ADAMTSL1: variants seen among roughly 807,000 people sequenced by gnomAD.
ADAMTSL1 encodes the protein ADAMTS like 1.
A neutral mutation model predicts 201.8 loss-of-function variants in ADAMTSL1; 126 were observed. That is an observed-to-expected ratio of 0.62 (90% CI 0.54 to 0.72). The LOEUF (loss-of-function observed/expected upper bound fraction) is 0.72. Ranked by LOEUF, ADAMTSL1 falls within the 30% of genes least tolerant of loss-of-function variation. The pLI is 0.00. For synonymous variants in ADAMTSL1, 1,121 were observed against 903.4 expected (o/e 1.24, Z -4.32); for missense variants, 2,679 against 2,277.8 (o/e 1.18, Z -3.59).
chr9:18,236,303 T>A (rs542076918), intron 2 of ADAMTSL1, among the ~76,000 whole-genome samples: 34 of 152,302 alleles, frequency 2.2e-4, no homozygotes, highest in African/African-American at 8.2e-4. Context: ...CTTGAATGCC[T>A]GACCCCGTGA....
At chr9:18,433,402 T>C (rs1324699311) in intron 2 of ADAMTSL1, among the ~76,000 whole-genome samples, 1 of 152,152 alleles carries the variant, frequency 6.6e-6, no homozygotes, top group Non-Finnish European at 1.5e-5. Context: ...GATAATTTTA[T>C]TTATGAACTA....
intron 2 of ADAMTSL1, among the ~76,000 whole-genome samples, chr9:18,279,314 T>A (rs993402288): frequency 7.3e-5 from 11 of 150,316 alleles, no homozygotes; most frequent in South Asian, 2.1e-4. Flanking sequence ...TATTTGGTTT[T>A]AAAAAAAAAA....
intron 1 of ADAMTSL1, among the ~76,000 whole-genome samples, chr9:18,496,521 C>G (rs1038620165): frequency 1.1e-4 from 16 of 152,080 alleles, no homozygotes; most frequent in Admixed American, 7.2e-4. Flanking sequence ...AATAGTCAAC[C>G]AAAGAAAAGA....
intron 2 of ADAMTSL1, among the ~76,000 whole-genome samples, chr9:18,370,334 G>T (rs907400494): frequency 4.0e-5 from 6 of 151,736 alleles, no homozygotes; most frequent in Non-Finnish European, 8.8e-5. Context: ...ATGGATGAGG[G>T]TTGAAAAATT....
chr9:18,438,362 A>G (rs781491470), intron 2 of ADAMTSL1, among the ~76,000 whole-genome samples: 2 of 152,176 alleles, frequency 1.3e-5, no homozygotes, highest in Non-Finnish European at 1.5e-5. Context: ...TTTTGCTTTC[A>G]GAGTAGGGAG....
chr9:18,907,327 C>T (rs1001812097), intron 28 of ADAMTSL1: 7 of 200,012 alleles, frequency 3.5e-5, no homozygotes, highest in East Asian at 1.7e-4. Flanking sequence ...ACCAGATCTG[C>T]GCCCATCACA....
At chr9:18,297,578 C>A (rs1316838294) in intron 2 of ADAMTSL1, among the ~76,000 whole-genome samples, 1 of 152,122 alleles carries the variant, frequency 6.6e-6, no homozygotes, top group East Asian at 1.9e-4. Context: ...GTCAAAAAGG[C>A]TCCGTAAAAG....
chr9:18,814,071 G>A (rs1055618733), intron 20 of ADAMTSL1, among the ~76,000 whole-genome samples: 2 of 152,080 alleles, frequency 1.3e-5, no homozygotes, highest in Admixed American at 1.3e-4. Context: ...TCTTATAATA[G>A]CCATTCTAAC....
At chr9:18,378,083 C>A (rs1023555661) in intron 2 of ADAMTSL1, among the ~76,000 whole-genome samples, 1 of 152,102 alleles carries the variant, frequency 6.6e-6, no homozygotes, top group African/African-American at 2.4e-5. Context: ...TTCTTTCTTC[C>A]CTTTCTTTCT....
At chr9:18,892,676 C>T in intron 26 of ADAMTSL1, 80 bp downstream of exon 26, 9 of 1,419,094 alleles carry the variant, frequency 6.3e-6, no homozygotes, top group South Asian at 1.3e-5. Context: ...GAAATGCTAT[C>T]ACTGCCACTG....
intron 2 of ADAMTSL1, among the ~76,000 whole-genome samples, chr9:18,401,303 T>C (rs1203218394): frequency 6.6e-6 from 1 of 152,190 alleles, no homozygotes; most frequent in Middle Eastern, 3.2e-3. Context: ...AAAATCCACA[T>C]TATACCTCTT....
chr9:18,041,793 C>T (rs1179813773), intron 1 of ADAMTSL1, among the ~76,000 whole-genome samples: 1 of 151,842 alleles, frequency 6.6e-6, no homozygotes, highest in Non-Finnish European at 1.5e-5. Context: ...AACTGATATC[C>T]CAAATCAGCT....
intron 2 of ADAMTSL1, among the ~76,000 whole-genome samples, chr9:18,317,649 A>C (rs1834457561): frequency 6.6e-6 from 1 of 152,224 alleles, no homozygotes; most frequent in Non-Finnish European, 1.5e-5. Flanking sequence ...AAAGGCCTTT[A>C]GTCCCCATCT....
intron 4 of ADAMTSL1, chr9:18,574,598 TG>T (rs1353968614): frequency 7.4e-6 from 2 of 270,862 alleles, no homozygotes; most frequent in East Asian, 7.9e-5. Flanking sequence ...TTTGTGTTTG[TG>T]TGTGTGTGTG....
chr9:18,061,928 C>G (rs1441901885), intron 1 of ADAMTSL1, among the ~76,000 whole-genome samples: 1 of 152,168 alleles, frequency 6.6e-6, no homozygotes, highest in Non-Finnish European at 1.5e-5. Flanking sequence ...TGCAAAGGAT[C>G]TGAAGATCAA....
rs1194337508 is a variant in ADAMTSL1 at position 18,045,915 on chromosome 9, A to G, written c.88-117947A>G. ...AAATTTCCCTGTTCTAAAGAGACAG[A>G]GATAGACAGAGGGAGACAGAAAGGG... On this transcript the variant is annotated intron_variant, in intron 1 of 29. Transcript: ENST00000680146. 3.9e-5 allele frequency among the ~76,000 whole-genome samples: 6 copies of G among 152,274 alleles called. No homozygotes were observed. In the South Asian group the frequency reaches 1.2e-3, roughly 32 times the overall value.
At chr9:18,800,338 CTG>C (rs550683739) in intron 20 of ADAMTSL1, among the ~76,000 whole-genome samples, 113 of 131,470 alleles carry the variant, frequency 8.6e-4, no homozygotes, top group African/African-American at 3.3e-3. Context: ...GACCATGCCA[CTG>C]TACTCCAGCC....
At chr9:18,604,146 T>C (rs1205010121) in intron 4 of ADAMTSL1, among the ~76,000 whole-genome samples, 2 of 152,168 alleles carry the variant, frequency 1.3e-5, no homozygotes, top group African/African-American at 2.4e-5. Context: ...AATAGGTAAG[T>C]GCAAGGAAGA....
chr9:17,995,618 A>T (rs1003798806), intron 1 of ADAMTSL1, among the ~76,000 whole-genome samples: 1 of 152,024 alleles, frequency 6.6e-6, no homozygotes, highest in Non-Finnish European at 1.5e-5. Flanking sequence ...AGTCACAGTA[A>T]TTTGTTTTAA....
Sources: gnomAD v4.1 joint callset for allele counts (sites outside exome capture counted in the v4.1 genomes callset) on GRCh38, gnomAD v4.1.1 for gene constraint, MANE v1.5 for transcripts, NCBI Gene and HGNC (gene_info 2026-07-23, HGNC 2026-07-21) for gene names.